SLC43A3: variants seen among roughly 807,000 people sequenced by gnomAD.
SLC43A3 encodes solute carrier family 43 member 3.
In SLC43A3, 33 loss-of-function variants were observed where a neutral mutation model predicts 53.3. The observed-to-expected ratio is 0.62, with a 90% confidence interval of 0.47 to 0.83. The LOEUF is 0.83. Among genes scored for constraint, SLC43A3 ranks in the 40% least tolerant of loss-of-function variants. SLC43A3 has a pLI of 0.00. For missense variants in SLC43A3, 530 were observed against 610.0 expected (o/e 0.87, Z 1.38); for synonymous variants, 236 against 246.2 (o/e 0.96, Z 0.39).
chr11:57,419,619 G>A (rs569270148), intron 7 of SLC43A3, among the ~76,000 whole-genome samples: 19 of 152,066 alleles, frequency 1.2e-4, no homozygotes, highest in African/African-American at 4.3e-4. Context: ...CCAACATGGC[G>A]AAACCCCATC....
intron 11 of SLC43A3, among the ~76,000 whole-genome samples, chr11:57,414,135 TCTGGCA>T (rs1942607061): frequency 6.6e-6 from 1 of 152,228 alleles, no homozygotes; most frequent in South Asian, 2.1e-4. Context: ...ATCCCTGGTG[TCTGGCA>T]CCATGGCTGA....
intron 5 of SLC43A3, among the ~76,000 whole-genome samples, chr11:57,422,575 C>G (rs745632503): frequency 6.6e-6 from 1 of 152,202 alleles, no homozygotes; most frequent in African/African-American, 2.4e-5. Context: ...ACACAGTTTA[C>G]CATTCAATTT....
intron 5 of SLC43A3, among the ~76,000 whole-genome samples, chr11:57,421,727 C>T (rs891312845): frequency 1.3e-5 from 2 of 152,296 alleles, no homozygotes; most frequent in East Asian, 1.9e-4. Context: ...GAAAAGAAGA[C>T]CCTGGACTCA....
rs201681816 is a variant in SLC43A3, at chr11:57,417,763, G to C, written c.656C>G (p.Pro219Arg). 38 of 1,614,144 alleles carry C rather than the reference G, an allele frequency of 2.4e-5. No homozygotes were observed. The South Asian group carries it at 3.4e-4, about 14-fold the overall frequency. The change falls in exon 8 of 14, where the codon CCC (proline) becomes CGC (arginine). Residue 219 changes from proline to arginine, a missense_variant. Coordinates refer to ENST00000395124, the MANE Select transcript of SLC43A3 (RefSeq NM_199329.3). ...PRGHIPYPLP[P>R]NYSYGLCPGN... Reference sequence around the variant, plus strand: ...TAGTCCTTACCCATAGCTGTAGTTGGGGGGCAGTGGGTATGGGATGTGCCC... The same window carrying C: ...TAGTCCTTACCCATAGCTGTAGTTGCGGGGCAGTGGGTATGGGATGTGCCC...
rs2241899 is a variant in SLC43A3 at position 57,409,155 on chromosome 11, C to T, written c.1371+20G>A. 0.25 allele frequency: 404,369 copies of T among 1,612,948 alleles called. 52,230 individuals are homozygous for T. Among genetic ancestry groups the T allele is most frequent in the East Asian group, 0.28 (12,646 of 44,872 alleles). The stretch of plus-strand genomic sequence containing the variant: ...AGGCCCAGGCCTCCTGCCAGGGATC[C>T]CCATCCTCCCAGTACTCACGTAAAA... On this transcript the variant is annotated intron_variant, in intron 13 of 13. Coordinates refer to ENST00000395124, the MANE Select transcript of SLC43A3 (RefSeq NM_199329.3).
intron 11 of SLC43A3, among the ~76,000 whole-genome samples, chr11:57,410,734 A>C (rs1942415227): frequency 6.6e-6 from 1 of 152,170 alleles, no homozygotes; most frequent in South Asian, 2.1e-4. Context: ...CCCCACCCAA[A>C]TCTCACGTTG....
intron 11 of SLC43A3, among the ~76,000 whole-genome samples, chr11:57,411,998 T>G (rs1942497828): frequency 6.6e-6 from 1 of 151,918 alleles, no homozygotes; most frequent in African/African-American, 2.4e-5. Context: ...TATAAAAAAA[T>G]TATATATATG....
intron 5 of SLC43A3, chr11:57,423,606 T>C (rs1223546125): frequency 6.0e-6 from 1 of 166,390 alleles, no homozygotes; most frequent in Non-Finnish European, 1.3e-5. Flanking sequence ...TTTGTATTTT[T>C]TTTAGTAGAG....
chr11:57,414,706 G>A lies in SLC43A3; in HGVS notation c.969C>T (p.Ala323=). The A allele has an allele frequency of 6.2e-7, 1 of 1,614,020 alleles. No homozygotes were observed. Among genetic ancestry groups the A allele is most frequent in the Non-Finnish European group, 8.5e-7 (1 of 1,179,962 alleles). ...ARVSTYTNAF[A]FTQFGVLCAP... ...CACACAGCACTCCGAACTGAGTGAA[G>A]GCAAAGGCATTTGTGTAGGTGCTGA... The change falls in exon 11 of 14, where the codon GCC becomes GCT. Residue 323 remains alanine (A), a synonymous_variant. Transcript: ENST00000395124.
Position 57,407,450 on chromosome 11 carries a change from C to T in SLC43A3, c.*342G>A, listed in dbSNP as rs111926161. 5,073 of 207,406 alleles carry T rather than the reference C, an allele frequency of 0.024. 275 individuals carry two copies. The highest frequency in any genetic ancestry group is 0.11 in the African/African-American group (4,722 of 43,380). The allele number at this position is 207,406 out of a possible 1,614,324, so 12.8% of individuals were successfully genotyped here. A position where few individuals can be genotyped will look rare whatever the true frequency, so the allele number is the denominator to read the frequency against. ...AGAGGATCCAGGCACATATAGGCTT[C>T]GGAGCCAAACAGGCCTAAAGAAATA... is the stretch of plus-strand genomic sequence containing the variant. On this transcript the variant is annotated 3_prime_UTR_variant, in exon 14 of 14. Transcript: ENST00000395124.
At chr11:57,411,471 C>CAAA (rs56994898) in intron 11 of SLC43A3, among the ~76,000 whole-genome samples, 68 of 78,830 alleles carry the variant, frequency 8.6e-4, no homozygotes, top group African/African-American at 1.1e-3. Flanking sequence ...CCTTCCTCTA[C>CAAA]AAAAAAAAAA....
rs187399098 is a variant in SLC43A3 at position 57,409,261 on chromosome 11, C to G, written c.1285G>C (p.Val429Leu). The G allele has an allele frequency of 1.2e-6, 2 of 1,614,210 alleles. No individual in the cohort carries two copies. Among genetic ancestry groups the G allele is most frequent in the East Asian group, 4.5e-5 (2 of 44,874 alleles). Residue 429 changes from valine to leucine, a missense_variant, in exon 13 of 14, where the codon GTG becomes CTG. By Grantham distance (32) the Val-to-Leu change is conservative. Around this residue, in one of 3 missense-constraint regions of SLC43A3, gnomAD observed 124 missense variants for 166.4 expected, o/e 0.75. Transcript: ENST00000395124. Reference protein sequence around the residue: ...SEHFGKLFGLVMALSAVVSLL... With the variant: ...SEHFGKLFGLLMALSAVVSLL... Reference sequence around the variant, plus strand: ...GACACCACAGCCGACAAGGCCATCACCAGCCCAAAGAGCTTGCCAAAGTGC... The same window carrying G: ...GACACCACAGCCGACAAGGCCATCAGCAGCCCAAAGAGCTTGCCAAAGTGC...
chr11:57,414,957 T>A lies in SLC43A3; in HGVS notation c.919A>T (p.Met307Leu). The change falls in exon 10 of 14, where the codon ATG (methionine) becomes TTG (leucine). Residue 307 changes from methionine to leucine, a missense_variant. Transcript: ENST00000395124. ...IGTLNSLLTNMAGGDMARVST... is the reference protein window; with the variant it reads ...IGTLNSLLTNLAGGDMARVST... The stretch of plus-strand genomic sequence containing the variant: ...CCTCGTGCCATGTCCCCACCGGCCA[T>A]GTTGGTCAGCAAGGAGTTGAGAGTG... 1 of 1,613,454 alleles carries A rather than the reference T, an allele frequency of 6.2e-7. No homozygotes were observed. Among genetic ancestry groups the A allele is most frequent in the East Asian group, 2.2e-5 (1 of 44,872 alleles).
In SLC43A3 at chr11:57,410,495, G is replaced by C. The variant is rs116068612; in HGVS notation, c.1061-374C>G. Among the ~76,000 whole-genome samples, 690 of 152,196 alleles carry C rather than the reference G, an allele frequency of 4.5e-3. 5 individuals carry two copies. The highest frequency in any genetic ancestry group is 0.016 in the African/African-American group (677 of 41,514). On this transcript the variant is annotated intron_variant, in intron 11 of 13. Coordinates refer to ENST00000395124, the MANE Select transcript of SLC43A3 (RefSeq NM_199329.3). The stretch of plus-strand genomic sequence containing the variant: ...TGTAACACTACTGGTAATAGCAAAA[G>C]ACTGGAAACAATCCAAATAGTCATC...
intron 12 of SLC43A3, 61 bp downstream of exon 12, chr11:57,409,874 C>A (rs575552614): frequency 6.1e-6 from 9 of 1,474,656 alleles, no homozygotes; most frequent in Admixed American, 2.4e-5. Flanking sequence ...ATTTCTTTAC[C>A]TCCAGCTTCT....
Position 57,424,027 on chromosome 11 carries a change from A to G in SLC43A3, c.316T>C (p.Phe106Leu). ...KTTVARLIAI[F>L]FYTTATLIIA... Reference sequence around the variant, plus strand: ...ATGAGTGTGGCGGTGGTGTAGAAAAATCTGAAACACATAACAGGAAAAGCA... The same window carrying G: ...ATGAGTGTGGCGGTGGTGTAGAAAAGTCTGAAACACATAACAGGAAAAGCA... The change falls in exon 5 of 14, where the codon TTT (phenylalanine) becomes CTT (leucine). Residue 106 changes from phenylalanine to leucine, a missense_variant and splice_region_variant. Physicochemically the swap from Phe to Leu is conservative, Grantham distance 22 (BLOSUM62 0). This residue lies in a region of SLC43A3 where 376 missense variants were observed against 386.7 expected (regional missense o/e 0.97). Transcript: ENST00000395124. 2 of 1,614,028 alleles carry G rather than the reference A, an allele frequency of 1.2e-6. No homozygotes were observed. The highest frequency in any genetic ancestry group is 1.7e-6 in the Non-Finnish European group (2 of 1,179,930).
Position 57,410,044 on chromosome 11 carries a change from C to G in SLC43A3, c.1138G>C (p.Ala380Pro), listed in dbSNP as rs137870474. The part of the protein sequence containing the change: ...ALTSLLCLGF[A>P]LCASVPILPL... ...AGGATGGGGACTGAGGCACAGAGGG[C>G]GAAGCCCAGGCACAGCAGGGATGTC... The change falls in exon 12 of 14, where the codon GCC becomes CCC. Residue 380 changes from alanine to proline, a missense_variant. By Grantham distance (27) the Ala-to-Pro change is conservative (BLOSUM62 -1). Around this residue, in one of 3 missense-constraint regions of SLC43A3, gnomAD observed 124 missense variants for 166.4 expected, o/e 0.75. Transcript: ENST00000395124. 2 of 1,612,676 alleles carry G rather than the reference C, an allele frequency of 1.2e-6. No individual in the cohort carries two copies. Among genetic ancestry groups the G allele is most frequent in the South Asian group, 2.2e-5 (2 of 90,466 alleles).
At position 57,426,358 on chromosome 11, in the gene SLC43A3, G is replaced by T. The variant is rs1030620105; in HGVS notation, c.-180-6C>A. 18 of 600,012 alleles carry T rather than the reference G, an allele frequency of 3.0e-5. No individual in the cohort carries two copies. The highest frequency in any genetic ancestry group is 5.0e-5 in the Non-Finnish European group (17 of 340,646). The allele number at this position is 600,012 out of a possible 1,614,324, so 37.2% of individuals were successfully genotyped here. The stretch of plus-strand genomic sequence containing the variant: ...AGCGGGTGATTCTCTGGATCCTGTA[G>T]AATAAAGATAGAGGCTGCTGGAAGA... On this transcript the variant is annotated splice_polypyrimidine_tract_variant and splice_region_variant and intron_variant, in intron 2 of 13. Transcript: ENST00000395124.
chr11:57,416,710 T>C (rs1942739990), intron 8 of SLC43A3, 40 bp from the exon 9 acceptor site: 1 of 1,510,322 alleles, frequency 6.6e-7, no homozygotes, highest in Non-Finnish European at 9.2e-7. Context: ...CCAAGGACTG[T>C]GAGCCGAACC....
Sources: gnomAD v4.1 joint callset for allele counts (sites outside exome capture counted in the v4.1 genomes callset) on GRCh38, gnomAD v4.1.1 for gene constraint, gnomAD v4.1.1 regional missense constraint, MANE v1.5 for transcripts, NCBI Gene and HGNC (gene_info 2026-07-23, HGNC 2026-07-21) for gene names.